DLG2: variants seen among roughly 807,000 people sequenced by gnomAD.
DLG2 encodes the protein discs large MAGUK scaffold protein 2, also known as disks large homolog 2.
Under a neutral mutation model 132.5 loss-of-function variants are expected in DLG2, and 45 were observed. The ratio of observed to expected loss-of-function variants is 0.34; its 90% CI spans 0.27 to 0.44. The LOEUF (loss-of-function observed/expected upper bound fraction) is 0.44. Among genes scored for constraint, DLG2 ranks in the 20% least tolerant of loss-of-function variants. The pLI, the probability that DLG2 is intolerant of heterozygous loss-of-function variation, is 1.00. For synonymous variants in DLG2, 424 were observed against 419.6 expected, an observed-to-expected ratio of 1.01 and a Z score of -0.13; for missense variants, 1,045 against 1,196.9, an observed-to-expected ratio of 0.87 and a Z score of 1.87.
At chr11:84,041,887 G>A (rs987710843) in intron 11 of DLG2, among the ~76,000 whole-genome samples, 9 of 151,840 alleles carry the variant, frequency 5.9e-5, no homozygotes, top group African/African-American at 1.9e-4. Flanking sequence ...TGATGTTCTT[G>A]TGATAGTGAA....
chr11:85,291,328 A>G (rs1477435902), intron 3 of DLG2, among the ~76,000 whole-genome samples: 3 of 152,142 alleles, frequency 2.0e-5, no homozygotes, highest in Admixed American at 6.5e-5. Context: ...ATCTTTACAT[A>G]CTTTTTAATC....
intron 18 of DLG2, among the ~76,000 whole-genome samples, chr11:83,724,197 TA>T (rs1424845110): frequency 2.6e-5 from 4 of 152,002 alleles, no homozygotes; most frequent in African/African-American, 9.7e-5. Context: ...ACGCGTAAAA[TA>T]AAATGGTTTC....
chr11:85,409,624 T>G (rs914543095), intron 3 of DLG2, among the ~76,000 whole-genome samples: 6 of 151,796 alleles, frequency 4.0e-5, no homozygotes, highest in African/African-American at 1.4e-4. Context: ...AATCTTGAAC[T>G]CACTTCCAAA....
At chr11:83,725,057 A>G (rs1281931048) in intron 18 of DLG2, 1 of 578,908 alleles carries the variant, frequency 1.7e-6, no homozygotes, top group Non-Finnish European at 3.1e-6. Context: ...CTAGTGGCAG[A>G]GCTAGTTTGA....
chr11:84,012,467 G>C (rs1161884642), intron 11 of DLG2, among the ~76,000 whole-genome samples: 1 of 152,110 alleles, frequency 6.6e-6, no homozygotes, highest in Non-Finnish European at 1.5e-5. Flanking sequence ...TTCGATGGTG[G>C]CATTTTGTGG....
chr11:85,144,870 T>G (rs901126443), intron 5 of DLG2, among the ~76,000 whole-genome samples: 1 of 152,112 alleles, frequency 6.6e-6, no homozygotes, highest in Non-Finnish European at 1.5e-5. Context: ...ACAATTACAG[T>G]GTTGCAGTAT....
At chr11:83,627,253 A>T (rs1441069858) in intron 19 of DLG2, among the ~76,000 whole-genome samples, 1 of 151,820 alleles carries the variant, frequency 6.6e-6, no homozygotes, top group Admixed American at 6.6e-5. Context: ...CATGTGCACA[A>T]CATGCAGGTT....
At chr11:84,070,649 A>G (rs1030711679) in intron 10 of DLG2, among the ~76,000 whole-genome samples, 1 of 152,246 alleles carries the variant, frequency 6.6e-6, no homozygotes. Flanking sequence ...ATTGATGAAC[A>G]TTTCAGTGAA....
At chr11:83,619,976 A>C (rs1226196366) in intron 19 of DLG2, among the ~76,000 whole-genome samples, 1 of 152,230 alleles carries the variant, frequency 6.6e-6, no homozygotes, top group African/African-American at 2.4e-5. Flanking sequence ...AATGAGAATT[A>C]GATTTTCATG....
At chr11:84,090,616 T>A (rs2097075452) in intron 10 of DLG2, among the ~76,000 whole-genome samples, 1 of 152,148 alleles carries the variant, frequency 6.6e-6, no homozygotes, top group Non-Finnish European at 1.5e-5. Flanking sequence ...TGAAACCACA[T>A]GCAACACTGA....
At chr11:83,510,209 C>T (rs2094933139) in intron 21 of DLG2, among the ~76,000 whole-genome samples, 1 of 152,018 alleles carries the variant, frequency 6.6e-6, no homozygotes, top group South Asian at 2.1e-4. Context: ...TCTACCTCCC[C>T]TCATTCCCTC....
At chr11:84,316,860 A>T in intron 7 of DLG2, 1 of 1,612,816 alleles carries the variant, frequency 6.2e-7, no homozygotes, top group Non-Finnish European at 8.5e-7. Flanking sequence ...GGGCAGGTAC[A>T]ATGCTCCCCA....
intron 21 of DLG2, among the ~76,000 whole-genome samples, chr11:83,492,320 A>AC (rs2093900047): frequency 6.6e-6 from 1 of 151,662 alleles, no homozygotes; most frequent in African/African-American, 2.4e-5. Flanking sequence ...TTGTCATCCT[A>AC]CCCCATATAG....
chr11:84,289,287 C>T (rs1331267124), intron 7 of DLG2, among the ~76,000 whole-genome samples: 1 of 152,000 alleles, frequency 6.6e-6, no homozygotes, highest in Non-Finnish European at 1.5e-5. Context: ...GATAAAGCTA[C>T]AAACTTGGAA....
chr11:85,279,136 T>A (rs2078078013), intron 4 of DLG2, among the ~76,000 whole-genome samples: 1 of 152,036 alleles, frequency 6.6e-6, no homozygotes. Flanking sequence ...ATAGTTAATA[T>A]CCAGGTCAAG....
intron 8 of DLG2, among the ~76,000 whole-genome samples, chr11:84,222,177 C>T (rs1018001337): frequency 6.6e-6 from 1 of 152,204 alleles, no homozygotes; most frequent in Middle Eastern, 3.4e-3. Context: ...GTATTACAGG[C>T]ATGTGCCACC....
chr11:85,292,258 C>T (rs2078940607), intron 3 of DLG2, among the ~76,000 whole-genome samples: 1 of 152,034 alleles, frequency 6.6e-6, no homozygotes, highest in Non-Finnish European at 1.5e-5. Flanking sequence ...TCAATAAAGC[C>T]TTTATCAGTG....
At chr11:85,034,559 G>A (rs182058592) in intron 6 of DLG2, among the ~76,000 whole-genome samples, 3 of 152,280 alleles carry the variant, frequency 2.0e-5, no homozygotes, top group South Asian at 2.1e-4. Flanking sequence ...GAAAGAAGTC[G>A]AGGCTGGACA....
chr11:83,612,122 C>T (rs935095536), intron 19 of DLG2, among the ~76,000 whole-genome samples: 2 of 152,192 alleles, frequency 1.3e-5, no homozygotes, highest in Non-Finnish European at 2.9e-5. Flanking sequence ...GGCAATTTAT[C>T]ACTAATTCTT....
Sources: allele counts gnomAD v4.1 joint callset (sites outside exome capture counted in the v4.1 genomes callset), GRCh38; gene constraint gnomAD v4.1.1; transcripts MANE v1.5; gene names NCBI Gene and HGNC (gene_info 2026-07-23, HGNC 2026-07-21).